Variants in GRM1 observed in about 807,000 individuals in gnomAD.
GRM1 encodes glutamate metabotropic receptor 1.
GRM1 carries 33 observed loss-of-function variants against 90.9 expected under a neutral mutation model. The observed-to-expected ratio is 0.36, with a 90% CI of 0.28 to 0.49. The LOEUF (loss-of-function observed/expected upper bound fraction) is 0.49. GRM1 is among the 20% of genes least tolerant of loss of function. The pLI is 0.99. For missense variants in GRM1, 1,190 were observed against 1,534.3 expected (o/e 0.78, Z 3.75); for synonymous variants, 700 against 613.2 (o/e 1.14, Z -2.09).
At position 146,335,061 on chromosome 6, in the gene GRM1, T is replaced by G. The variant is rs183359955; in HGVS notation, c.1187-17189T>G. On this transcript the variant is annotated intron_variant, in intron 3 of 7. Transcript: ENST00000282753. Reference sequence around the variant, plus strand: ...GCAAATATGACTGTCCAGTTGCAGGTGTCTTATAGGTGCTATCTGCTTTCA... The same window carrying G: ...GCAAATATGACTGTCCAGTTGCAGGGGTCTTATAGGTGCTATCTGCTTTCA... Among the ~76,000 whole-genome samples, 729 of 152,282 alleles carry G rather than the reference T, an allele frequency of 4.8e-3. 4 individuals are homozygous for G. Among genetic ancestry groups the G allele is most frequent in the African/African-American group, 0.017 (699 of 41,562 alleles).
At chr6:146,340,230 G>T (rs1488751968) in intron 3 of GRM1, among the ~76,000 whole-genome samples, 1 of 152,186 alleles carries the variant, frequency 6.6e-6, no homozygotes, top group Non-Finnish European at 1.5e-5. Flanking sequence ...GCAGTATCAT[G>T]CTGATCAATC....
At chr6:146,080,425 C>T (rs563129867) in intron 1 of GRM1, among the ~76,000 whole-genome samples, 2 of 152,202 alleles carry the variant, frequency 1.3e-5, no homozygotes, top group East Asian at 3.9e-4. Flanking sequence ...ATGCCTAGGT[C>T]CTGGGGAGAC....
At chr6:146,418,175 G>A (rs1005833507) in intron 7 of GRM1, among the ~76,000 whole-genome samples, 13 of 152,106 alleles carry the variant, frequency 8.5e-5, no homozygotes, top group South Asian at 4.1e-4. Context: ...TACATTTGGC[G>A]TGTCTCCTTA....
chr6:146,293,496 C>A (rs998722038), intron 2 of GRM1, among the ~76,000 whole-genome samples: 3 of 151,906 alleles, frequency 2.0e-5, no homozygotes, highest in Admixed American at 6.6e-5. Flanking sequence ...TCTTTTTATA[C>A]CTTCCTTAAT....
chr6:146,119,922 G>A (rs924565055), intron 1 of GRM1, among the ~76,000 whole-genome samples: 4 of 152,104 alleles, frequency 2.6e-5, no homozygotes, highest in African/African-American at 9.7e-5. Flanking sequence ...TTGGCAATGT[G>A]GGTTCTTTTT....
At chr6:146,427,231 A>T (rs902989926) in intron 7 of GRM1, among the ~76,000 whole-genome samples, 1 of 152,130 alleles carries the variant, frequency 6.6e-6, no homozygotes, top group Admixed American at 6.5e-5. Flanking sequence ...TTTTCCTAAC[A>T]TTATGAGTGA....
At chr6:146,166,720 C>T (rs1777920666) in intron 2 of GRM1, among the ~76,000 whole-genome samples, 1 of 152,016 alleles carries the variant, frequency 6.6e-6, no homozygotes, top group Non-Finnish European at 1.5e-5. Flanking sequence ...CTGGGGCCTA[C>T]CAATGAAGTT....
At chr6:146,431,737 C>T (rs1318785180) in intron 7 of GRM1, among the ~76,000 whole-genome samples, 1 of 151,970 alleles carries the variant, frequency 6.6e-6, no homozygotes, top group Non-Finnish European at 1.5e-5. Context: ...ACATTTTTTT[C>T]ATTGCAATTT....
intron 2 of GRM1, among the ~76,000 whole-genome samples, chr6:146,272,470 T>C (rs1314453571): frequency 6.6e-6 from 1 of 152,200 alleles, no homozygotes; most frequent in Non-Finnish European, 1.5e-5. Context: ...TCTTTTATAG[T>C]GCCTAGAATA....
At chr6:146,129,398 G>T (rs1776309514) in intron 1 of GRM1, among the ~76,000 whole-genome samples, 1 of 152,172 alleles carries the variant, frequency 6.6e-6, no homozygotes, top group African/African-American at 2.4e-5. Flanking sequence ...GTGTGTGTGT[G>T]AGTATGTTTG....
chr6:146,400,033 A>G (rs1299671302), intron 7 of GRM1, among the ~76,000 whole-genome samples: 1 of 152,208 alleles, frequency 6.6e-6, no homozygotes, highest in Non-Finnish European at 1.5e-5. Context: ...CCTTCTATGG[A>G]GCATCATTTT....
intron 3 of GRM1, among the ~76,000 whole-genome samples, chr6:146,326,931 T>G (rs941287936): frequency 6.6e-6 from 1 of 152,178 alleles, no homozygotes; most frequent in African/African-American, 2.4e-5. Flanking sequence ...TCCCAATATG[T>G]GCCTTGATTT....
At chr6:146,343,559 A>G (rs1305377158) in intron 3 of GRM1, among the ~76,000 whole-genome samples, 1 of 150,510 alleles carries the variant, frequency 6.6e-6, no homozygotes, top group African/African-American at 2.4e-5. Context: ...TTATTTTGTT[A>G]CTCAATTTTT....
chr6:146,261,587 A>C (rs1781698047), intron 2 of GRM1, among the ~76,000 whole-genome samples: 1 of 152,150 alleles, frequency 6.6e-6, no homozygotes, highest in African/African-American at 2.4e-5. Flanking sequence ...TTAATTGAGA[A>C]CTAGTTGGCA....
intron 2 of GRM1, among the ~76,000 whole-genome samples, chr6:146,199,530 A>T (rs148163299): frequency 4.6e-5 from 7 of 152,268 alleles, no homozygotes; most frequent in African/African-American, 1.7e-4. Context: ...AGGCTAGCTA[A>T]TTCTTTCAGC....
Position 146,434,264 on chromosome 6 carries a change from A to G in GRM1, c.3053A>G (p.Gln1018Arg). 6.3e-7 allele frequency: 1 copy of G among 1,590,358 alleles called. No homozygotes were observed. Among genetic ancestry groups the G allele is most frequent in the Non-Finnish European group, 8.6e-7 (1 of 1,164,382 alleles). Reference sequence around the variant, plus strand: ...CCCAAGGGCTTGCCCCCTCCTCTCCAGCAGCAGCAGCAACCCCCTCCACAG... The same window carrying G: ...CCCAAGGGCTTGCCCCCTCCTCTCCGGCAGCAGCAGCAACCCCCTCCACAG... ...ALPKGLPPPL[Q>R]QQQQPPPQQK... Residue 1018 changes from glutamine to arginine, a missense_variant, in exon 8 of 8, where the codon CAG becomes CGG. This residue lies in a region of GRM1 where 400 missense variants were observed against 360.8 expected (regional missense o/e 1.11). Transcript: ENST00000282753.
At chr6:146,038,589 A>C (rs1287396505) in intron 1 of GRM1, among the ~76,000 whole-genome samples, 1 of 151,960 alleles carries the variant, frequency 6.6e-6, no homozygotes, top group African/African-American at 2.4e-5. Flanking sequence ...TGGAGATGTG[A>C]AAATAAAGAG....
intron 1 of GRM1, among the ~76,000 whole-genome samples, chr6:146,054,086 TTAAA>T (rs1426435813): frequency 1.2e-4 from 18 of 152,242 alleles, no homozygotes; most frequent in African/African-American, 4.1e-4. Flanking sequence ...TAAATCCTGC[TTAAA>T]TAGAGGACAA....
chr6:146,073,491 T>C (rs1410994073), intron 1 of GRM1, among the ~76,000 whole-genome samples: 1 of 152,182 alleles, frequency 6.6e-6, no homozygotes, highest in East Asian at 1.9e-4. Context: ...TGTATTTTGG[T>C]ACTAATATTT....
Sources: allele counts gnomAD v4.1 joint callset (sites outside exome capture counted in the v4.1 genomes callset), GRCh38; gene constraint gnomAD v4.1.1; regional missense constraint gnomAD v4.1.1; transcripts MANE v1.5; gene names NCBI Gene and HGNC (gene_info 2026-07-23, HGNC 2026-07-21).